Variants in DCLRE1A observed in about 807,000 individuals in gnomAD.
DCLRE1A encodes the protein DNA cross-link repair 1A.
In DCLRE1A, 64 loss-of-function variants were observed where a neutral mutation model predicts 91.9. The ratio of observed to expected loss-of-function variants is 0.70; its 90% CI spans 0.57 to 0.86. The LOEUF (loss-of-function observed/expected upper bound fraction) is 0.86, where lower values mean the gene tolerates loss of function less well. Among genes scored for constraint, DCLRE1A ranks in the 40% least tolerant of loss-of-function variants. The pLI is 0.00. For synonymous variants in DCLRE1A, 416 were observed against 431.1 expected (o/e 0.96, Z 0.43); for missense variants, 1,145 against 1,213.3 (o/e 0.94, Z 0.84).
chr10:113,841,124 G>A (rs1845438533), intron 7 of DCLRE1A, among the ~76,000 whole-genome samples: 1 of 152,180 alleles, frequency 6.6e-6, no homozygotes, highest in African/African-American at 2.4e-5. Context: ...CTTAAAAATT[G>A]AAGGTTTGAA....
intron 7 of DCLRE1A, among the ~76,000 whole-genome samples, chr10:113,838,134 A>C (rs1845391695): frequency 6.6e-6 from 1 of 151,986 alleles, no homozygotes; most frequent in South Asian, 2.1e-4. Context: ...TATGCACACC[A>C]AAAAAAAGTT....
chr10:113,852,680 T>C, intron 1 of DCLRE1A, 43 bp downstream of exon 1: 1 of 1,547,832 alleles, frequency 6.5e-7, no homozygotes, highest in Admixed American at 2.0e-5. Context: ...TAATGAAGAC[T>C]TTTTAGATTA....
intron 7 of DCLRE1A, among the ~76,000 whole-genome samples, chr10:113,839,324 CAAAAAAAA>C (rs35405311): frequency 2.0e-4 from 12 of 61,240 alleles, no homozygotes; most frequent in East Asian, 4.9e-4. Flanking sequence ...GACCCTGTCT[CAAAAAAAA>C]AAAAAAAAAA....
chr10:113,844,733 C>T (rs1192071538), intron 4 of DCLRE1A, among the ~76,000 whole-genome samples: 6 of 151,998 alleles, frequency 3.9e-5, no homozygotes, highest in Non-Finnish European at 8.8e-5. Context: ...GTCAGGAGTT[C>T]GAAACCAGCC....
At chr10:113,845,604 GA>G in intron 4 of DCLRE1A, 80 bp downstream of exon 4, 2 of 1,054,294 alleles carry the variant, frequency 1.9e-6, no homozygotes, top group Non-Finnish European at 1.4e-6. Context: ...TAATTATAAT[GA>G]AAAAAGTTAT....
intron 7 of DCLRE1A, among the ~76,000 whole-genome samples, chr10:113,838,655 C>T (rs539102215): frequency 6.6e-6 from 1 of 152,320 alleles, no homozygotes; most frequent in South Asian, 2.1e-4. Context: ...TTGTCTCTCT[C>T]CGTTTATTGG....
At chr10:113,852,665 T>C (rs1232551020) in intron 1 of DCLRE1A, 58 bp downstream of exon 1, 1 of 1,488,512 alleles carries the variant, frequency 6.7e-7, no homozygotes, top group East Asian at 2.4e-5. Context: ...TTGGTATGTC[T>C]GACCTAATGA....
rs548405715 is a variant in DCLRE1A, at chr10:113,839,841, ATTATAAAATCC to A, written c.2820+1554_2820+1564del. Among the ~76,000 whole-genome samples the A allele has an allele frequency of 1.5e-3, 231 of 152,332 alleles. No homozygotes were observed. The South Asian group carries it at 0.015, about 10-fold the overall frequency. ...CCTTTTCACAAAGAACTTGTGTTTT[ATTATAAAATCC>A]TAGACGTGGAAACATACAGACTTGA... On this transcript the variant is annotated intron_variant, in intron 7 of 8. Coordinates refer to ENST00000361384, the MANE Select transcript of DCLRE1A (RefSeq NM_014881.5).
intron 3 of DCLRE1A, 148 bp downstream of exon 3, chr10:113,847,054 A>T: frequency 1.4e-6 from 1 of 724,046 alleles, no homozygotes; most frequent in Non-Finnish European, 2.0e-6. Context: ...AACTCGTTTT[A>T]AGTTTAGGAC....
At chr10:113,847,544 T>C (rs1334114250) in intron 2 of DCLRE1A, among the ~76,000 whole-genome samples, 12 of 141,100 alleles carry the variant, frequency 8.5e-5, no homozygotes, top group African/African-American at 2.8e-4. Context: ...ATAGAGACTT[T>C]TATTTGTGAA....
chr10:113,850,227 A>C lies in DCLRE1A; in HGVS notation c.878T>G (p.Phe293Cys). The C allele has an allele frequency of 6.2e-7, 1 of 1,614,154 alleles. No homozygotes were observed. Among genetic ancestry groups the C allele is most frequent in the Admixed American group, 1.7e-5 (1 of 60,028 alleles). The change falls in exon 2 of 9, where the codon TTC becomes TGC. Residue 293 changes from phenylalanine (F) to cysteine (C), a missense_variant. Phe to Cys is a radical substitution (Grantham distance 205). Coordinates refer to ENST00000361384, the MANE Select transcript of DCLRE1A (RefSeq NM_014881.5). ...AGAATAGGAGATTTCACAGTCACTG[A>C]AGTCATTTTCTGGCAATGGCAAATT... ...HINLPLPENDFSDCEISYSPL... is the reference protein window; with the variant it reads ...HINLPLPENDCSDCEISYSPL...
At chr10:113,847,061 G>A (rs118024614) in intron 3 of DCLRE1A, 141 bp downstream of exon 3, 9,021 of 796,702 alleles carry the variant, frequency 0.011, 89 homozygotes, top group Non-Finnish European at 0.013. Context: ...TTTAAGTTTA[G>A]GACTTTTATG....
chr10:113,847,528 C>G (rs1271750869), intron 2 of DCLRE1A, among the ~76,000 whole-genome samples, 193 bp from the exon 3 acceptor site: 2 of 151,920 alleles, frequency 1.3e-5, no homozygotes, highest in Non-Finnish European at 2.9e-5. Context: ...TACCAAGTAT[C>G]TCAGTATAGA....
At chr10:113,840,441 G>A (rs964410871) in intron 7 of DCLRE1A, among the ~76,000 whole-genome samples, 12 of 152,150 alleles carry the variant, frequency 7.9e-5, no homozygotes, top group African/African-American at 2.2e-4. Context: ...AGGTTGTGAC[G>A]GAACTGTCAG....
chr10:113,848,892 T>A (rs559074376), intron 2 of DCLRE1A, 88 bp downstream of exon 2: 9 of 1,135,448 alleles, frequency 7.9e-6, no homozygotes, highest in Non-Finnish European at 1.1e-5. Context: ...AATTGTCTCA[T>A]ACACACACAC....
At chr10:113,843,250 C>CT (rs1564842793) in intron 5 of DCLRE1A, among the ~76,000 whole-genome samples, 2 of 152,106 alleles carry the variant, frequency 1.3e-5, no homozygotes, top group African/African-American at 4.8e-5. Context: ...AATTGTTTTG[C>CT]TAGTCAACTA....
chr10:113,846,194 T>C (rs1455000588), intron 3 of DCLRE1A, among the ~76,000 whole-genome samples: 1 of 152,228 alleles, frequency 6.6e-6, no homozygotes, highest in East Asian at 1.9e-4. Context: ...CTACCTAGAA[T>C]GCTCTTTCCT....
intron 7 of DCLRE1A, among the ~76,000 whole-genome samples, chr10:113,839,878 C>T (rs867840091): frequency 4.6e-5 from 7 of 151,840 alleles, no homozygotes; most frequent in Non-Finnish European, 8.8e-5. Context: ...ACAGACTTGA[C>T]GACTATCAAA....
chr10:113,842,541 CT>C, intron 5 of DCLRE1A, 53 bp from the exon 6 acceptor site: 1 of 1,533,990 alleles, frequency 6.5e-7, no homozygotes, highest in Non-Finnish European at 8.8e-7. Flanking sequence ...AAGCCATCAC[CT>C]TAAGCTGGAT....
Sources: gnomAD v4.1 joint callset for allele counts (sites outside exome capture counted in the v4.1 genomes callset) on GRCh38, gnomAD v4.1.1 for gene constraint, MANE v1.5 for transcripts, NCBI Gene and HGNC (gene_info 2026-07-23, HGNC 2026-07-21) for gene names.